The following DDX46 variants were observed in gnomAD, a reference collection of about 807,000 sequenced individuals.
DDX46 encodes DEAD-box helicase 46.
A neutral mutation model predicts 134.9 loss-of-function variants in DDX46; 30 were observed. That is an observed-to-expected ratio of 0.22 (90% CI 0.17 to 0.30). The LOEUF is 0.30. Among genes scored for constraint, DDX46 ranks in the 10% least tolerant of loss-of-function variants. The pLI is 1.00. For synonymous variants in DDX46, 415 were observed against 404.1 expected (o/e 1.03, Z -0.32); for missense variants, 622 against 1,248.7 (o/e 0.50, Z 7.56).
rs267600348 is a variant in DDX46 at position 134,794,861 on chromosome 5, C to T, written c.1638C>T (p.Ile546=). The change falls in exon 14 of 23, where the codon ATC becomes ATT. Residue 546 remains isoleucine (I), a synonymous_variant. Coordinates refer to ENST00000452510, the MANE Select transcript of DDX46 (RefSeq NM_001300860.2). ...DMGFEPQVMR[I]VDNVRPDRQT... Reference sequence around the variant, plus strand: ...TTTCTTTTTCTCAGGTCATGCGCATCGTGGATAATGTTCGTCCTGATCGAC... The same window carrying T: ...TTTCTTTTTCTCAGGTCATGCGCATTGTGGATAATGTTCGTCCTGATCGAC... 7.4e-6 allele frequency: 12 copies of T among 1,614,020 alleles called. No individual in the cohort carries two copies. Among genetic ancestry groups the T allele is most frequent in the African/African-American group, 2.7e-5 (2 of 75,024 alleles).
intron 13 of DDX46, among the ~76,000 whole-genome samples, chr5:134,794,399 A>G (rs540167292): frequency 2.2e-4 from 34 of 152,326 alleles, no homozygotes; most frequent in South Asian, 2.1e-3. Flanking sequence ...GACAGATTCT[A>G]TCAGCACAAT....
At chr5:134,780,919 A>C (rs1048684203) in intron 6 of DDX46, 2 of 336,688 alleles carry the variant, frequency 5.9e-6, no homozygotes, top group Non-Finnish European at 5.3e-6. Flanking sequence ...AGTCCTAGCA[A>C]CTCAGGAGGA....
rs76005753 is a variant in DDX46 at position 134,826,729 on chromosome 5, C to T, written c.2978-218C>T. The T allele has an allele frequency of 1.4e-3, 626 of 460,132 alleles. 3 individuals carry two copies. Among genetic ancestry groups the T allele is most frequent in the African/African-American group, 0.011 (576 of 50,100 alleles). 28.5% of individuals were successfully genotyped at this position (460,132 alleles called of 1,614,324 possible). A position where few individuals can be genotyped will look rare whatever the true frequency, so the allele number is the denominator to read the frequency against. On this transcript the variant is annotated intron_variant, in intron 21 of 22. Transcript: ENST00000452510. ...TAGGAACTCTTAACACATAATATGA[C>T]CTCAGTGGTTACATTTGAAACTCTG...
At chr5:134,779,027 G>T (rs1412379386) in intron 6 of DDX46, among the ~76,000 whole-genome samples, 1 of 152,002 alleles carries the variant, frequency 6.6e-6, no homozygotes, top group Non-Finnish European at 1.5e-5. Context: ...TTCCTGAGTA[G>T]CTGGGATTAC....
At position 134,770,890 on chromosome 5, in the gene DDX46, A is replaced by G. The variant is rs753794413; in HGVS notation, c.351-13A>G. 6.4e-7 allele frequency: 1 copy of G among 1,564,118 alleles called. No individual in the cohort carries two copies. The highest frequency in any genetic ancestry group is 1.4e-5 in the African/African-American group (1 of 71,542). On this transcript the variant is annotated splice_polypyrimidine_tract_variant and intron_variant, in intron 3 of 22. Transcript: ENST00000452510. ...GAATGACATTTCTCTTGTCTCTTTT[A>G]TTTTTTTGGTAGATCTAGGTCCAAA...
At chr5:134,785,320 C>A in intron 10 of DDX46, 145 bp from the exon 11 acceptor site, 2 of 965,590 alleles carry the variant, frequency 2.1e-6, no homozygotes, top group Non-Finnish European at 2.8e-6. Flanking sequence ...TGTTATACAA[C>A]TTTTGAAATA....
rs1006171013 is a variant in DDX46 at position 134,809,860 on chromosome 5, A to C, written c.2149-1361A>C. On this transcript the variant is annotated intron_variant, in intron 16 of 22. Coordinates refer to ENST00000452510, the MANE Select transcript of DDX46 (RefSeq NM_001300860.2). The stretch of plus-strand genomic sequence containing the variant: ...CCTGTTTCTACTAAAATAAAAATAA[A>C]AAATTAGCCGGGCATGGTGGCATAT... Among the ~76,000 whole-genome samples the C allele has an allele frequency of 1.3e-5, 2 of 152,064 alleles. 1 individual carries two copies. Among genetic ancestry groups the C allele is most frequent in the Admixed American group, 1.3e-4 (2 of 15,280 alleles).
chr5:134,771,286 G>A (rs1330173315), intron 4 of DDX46, among the ~76,000 whole-genome samples: 3 of 150,964 alleles, frequency 2.0e-5, no homozygotes, highest in Admixed American at 6.6e-5. Flanking sequence ...GTAGAGATGG[G>A]GTTTCACTGT....
chr5:134,794,008 G>A (rs186237396), intron 13 of DDX46, among the ~76,000 whole-genome samples: 1 of 152,104 alleles, frequency 6.6e-6, no homozygotes, highest in Non-Finnish European at 1.5e-5. Context: ...GAGGGAAGGG[G>A]CATCAGATTT....
chr5:134,815,705 T>TTAA (rs1561873183), intron 18 of DDX46, among the ~76,000 whole-genome samples: 1 of 20,302 alleles, frequency 4.9e-5, no homozygotes, highest in African/African-American at 5.1e-4. Context: ...AGACTCTGTC[T>TTAA]CAAAAAAAAA....
chr5:134,816,925 G>T, intron 19 of DDX46: 1 of 234,342 alleles, frequency 4.3e-6, no homozygotes, highest in Non-Finnish European at 8.2e-6. Flanking sequence ...GCTTTTATTG[G>T]GCACACAACT....
rs1754299286 is a variant in DDX46, at chr5:134,785,338, G to C, written c.1343-127G>C. On this transcript the variant is annotated intron_variant, in intron 10 of 22. Coordinates refer to ENST00000452510, the MANE Select transcript of DDX46 (RefSeq NM_001300860.2). Reference sequence around the variant, plus strand: ...TATACAACTTTTGAAATAGTTTTCAGGGATGCATAACAAAACAAAAATTAG... The same window carrying C: ...TATACAACTTTTGAAATAGTTTTCACGGATGCATAACAAAACAAAAATTAG... 8 of 1,140,790 alleles carry C rather than the reference G, an allele frequency of 7.0e-6. 1 individual carries two copies. The South Asian group carries it at 1.8e-4, about 26-fold the overall frequency. 70.7% of individuals were successfully genotyped at this position (1,140,790 alleles called of 1,614,324 possible). A position where few individuals can be genotyped will look rare whatever the true frequency, so the allele number is the denominator to read the frequency against.
rs1455938807 is a variant in DDX46, at chr5:134,781,907, C to G, written c.880-14C>G. 1 of 1,591,806 alleles carries G rather than the reference C, an allele frequency of 6.3e-7. No individual in the cohort carries two copies. Among genetic ancestry groups the G allele is most frequent in the African/African-American group, 1.4e-5 (1 of 73,432 alleles). The stretch of plus-strand genomic sequence containing the variant: ...AATGAACTTAGCGCTTTAATTTTTT[C>G]TTTTAAACTATAGTATTCTTCAGAG... On this transcript the variant is annotated splice_polypyrimidine_tract_variant and intron_variant, in intron 7 of 22. Transcript: ENST00000452510.
At chr5:134,821,727 T>C (rs1217818397) in intron 21 of DDX46, among the ~76,000 whole-genome samples, 1 of 151,120 alleles carries the variant, frequency 6.6e-6, no homozygotes, top group African/African-American at 2.4e-5. Flanking sequence ...CAGCTACTTT[T>C]TGTATTTTTA....
intron 5 of DDX46, among the ~76,000 whole-genome samples, chr5:134,776,144 C>T (rs999429845): frequency 6.6e-6 from 1 of 152,084 alleles, no homozygotes. Flanking sequence ...GTAATCCCAG[C>T]GCTTTGGGAG....
chr5:134,792,142 A>G (rs980235018), intron 13 of DDX46, among the ~76,000 whole-genome samples: 6 of 152,116 alleles, frequency 3.9e-5, no homozygotes, highest in African/African-American at 1.4e-4. Flanking sequence ...GCATTACTGT[A>G]CTTAAGCCTG....
At chr5:134,800,088 C>T (rs1390015356) in intron 15 of DDX46, among the ~76,000 whole-genome samples, 1 of 152,078 alleles carries the variant, frequency 6.6e-6, no homozygotes, top group Non-Finnish European at 1.5e-5. Flanking sequence ...GCTGGGACTA[C>T]AGGCATGCAC....
At chr5:134,759,059 C>T (rs915562455) in intron 1 of DDX46, 104 bp downstream of exon 1, 6 of 1,530,750 alleles carry the variant, frequency 3.9e-6, no homozygotes, top group East Asian at 4.5e-5. Flanking sequence ...CGCGGCCCCA[C>T]GTGCGGTCAG....
chr5:134,777,272 C>T (rs1469594967), intron 5 of DDX46, among the ~76,000 whole-genome samples: 1 of 152,226 alleles, frequency 6.6e-6, no homozygotes, highest in Non-Finnish European at 1.5e-5. Flanking sequence ...AGCTGTATAG[C>T]TGTAAAATCT....
Sources: allele counts gnomAD v4.1 joint callset (sites outside exome capture counted in the v4.1 genomes callset), GRCh38; gene constraint gnomAD v4.1.1; transcripts MANE v1.5; gene names NCBI Gene and HGNC (gene_info 2026-07-23, HGNC 2026-07-21).